TC2N: variants seen among roughly 807,000 people sequenced by gnomAD.
TC2N encodes the protein tandem C2 domains nuclear protein.
In TC2N, 51 loss-of-function variants were observed where a neutral mutation model predicts 61.9. The ratio of observed to expected loss-of-function variants is 0.82; its 90% CI spans 0.66 to 1.04. TC2N has a LOEUF of 1.04. TC2N is among the 50% of genes least tolerant of loss of function. The probability of loss-of-function intolerance (pLI) is 0.00; values close to 1 mark genes in which losing one functional copy is unlikely to be tolerated. For synonymous variants in TC2N, 204 were observed against 192.6 expected, an observed-to-expected ratio of 1.06 and a Z score of -0.49; for missense variants, 556 against 566.7, an observed-to-expected ratio of 0.98 and a Z score of 0.19.
intron 1 of TC2N, among the ~76,000 whole-genome samples, chr14:91,851,755 T>C (rs890263234): frequency 5.9e-5 from 9 of 152,192 alleles, no homozygotes; most frequent in African/African-American, 1.9e-4. Context: ...ATTCAGCATA[T>C]GGGCAAACAG....
chr14:91,796,239 T>C (rs560825936), intron 8 of TC2N, among the ~76,000 whole-genome samples: 5 of 152,116 alleles, frequency 3.3e-5, no homozygotes, highest in African/African-American at 1.2e-4. Context: ...AAGATCCCAA[T>C]ATATATATAC....
chr14:91,814,944 TATACAATAAATAC>T (rs955713730), intron 1 of TC2N, among the ~76,000 whole-genome samples: 127 of 151,638 alleles, frequency 8.4e-4, no homozygotes, highest in Admixed American at 5.4e-3. Flanking sequence ...CATCACATTG[TATACAATAAATAC>T]ATACAATTTG....
At position 91,802,236 on chromosome 14, in the gene TC2N, C is replaced by T; in HGVS notation, c.469+18G>A. ...TAAAGAGAAACACAGAGAGGAAAAG[C>T]ACAAAAGATCTTCATACCCGATCCA... On this transcript the variant is annotated intron_variant, in intron 4 of 11. Coordinates refer to ENST00000435962, the MANE Select transcript of TC2N (RefSeq NM_001128596.3). The T allele has an allele frequency of 6.7e-7, 1 of 1,501,720 alleles. No homozygotes were observed. Among genetic ancestry groups the T allele is most frequent in the South Asian group, 1.4e-5 (1 of 72,626 alleles). The allele number at this position is 1,501,720 out of a possible 1,614,324, so 93.0% of individuals were successfully genotyped here. A position where few individuals can be genotyped will look rare whatever the true frequency, so the allele number is the denominator to read the frequency against.
intron 1 of TC2N, among the ~76,000 whole-genome samples, chr14:91,848,884 G>C (rs1888320697): frequency 6.6e-6 from 1 of 152,082 alleles, no homozygotes; most frequent in Admixed American, 6.5e-5. Flanking sequence ...TCACTATTTT[G>C]CTTTCACCGC....
At chr14:91,820,718 T>G (rs534379990) in intron 1 of TC2N, among the ~76,000 whole-genome samples, 2 of 149,998 alleles carry the variant, frequency 1.3e-5, no homozygotes, top group East Asian at 3.9e-4. Context: ...AAAAAAAATC[T>G]AAGAAATTCA....
chr14:91,850,930 TG>T (rs938664305), intron 1 of TC2N, among the ~76,000 whole-genome samples: 5 of 151,934 alleles, frequency 3.3e-5, no homozygotes, highest in Admixed American at 3.3e-4. Flanking sequence ...GACTCCATCT[TG>T]GAAAAAAAAG....
chr14:91,829,443 G>A (rs1887650595), intron 1 of TC2N, among the ~76,000 whole-genome samples: 1 of 151,948 alleles, frequency 6.6e-6, no homozygotes, highest in Non-Finnish European at 1.5e-5. Context: ...TCTCTTTGTG[G>A]AGTACATCTA....
chr14:91,790,132 T>C (rs1885574361), intron 9 of TC2N, among the ~76,000 whole-genome samples: 2 of 152,338 alleles, frequency 1.3e-5, no homozygotes, highest in African/African-American at 4.8e-5. Context: ...TTAGATCACG[T>C]AGCATTGAGG....
chr14:91,834,472 TTC>T (rs910320034), intron 1 of TC2N, among the ~76,000 whole-genome samples: 34 of 152,208 alleles, frequency 2.2e-4, no homozygotes, highest in African/African-American at 7.2e-4. Flanking sequence ...TTCTTTTCTT[TTC>T]TTTTTTTAAT....
At chr14:91,817,836 T>C (rs1887072746) in intron 1 of TC2N, among the ~76,000 whole-genome samples, 1 of 152,012 alleles carries the variant, frequency 6.6e-6, no homozygotes, top group Non-Finnish European at 1.5e-5. Flanking sequence ...TTTATATGAA[T>C]GAAATGTGAA....
intron 3 of TC2N, 105 bp from the exon 4 acceptor site, chr14:91,802,526 T>C: frequency 1.0e-6 from 1 of 958,114 alleles, no homozygotes; most frequent in Middle Eastern, 3.0e-4. Flanking sequence ...TCTCAAGTAA[T>C]ACTAAATCAC....
rs4514607 is a variant in TC2N, at chr14:91,795,447, G to A, written c.855+2338C>T. On this transcript the variant is annotated intron_variant, in intron 8 of 11. Transcript: ENST00000435962. ...CACTGTTGTCTTATTTTAAGAAATT[G>A]CCACAGCCACTTCAACCTTCACTAA... Among the ~76,000 whole-genome samples the A allele has an allele frequency of 4.3e-3, 658 of 152,172 alleles. 7 individuals are homozygous for A. The highest frequency in any genetic ancestry group is 0.015 in the African/African-American group (624 of 41,526).
intron 5 of TC2N, among the ~76,000 whole-genome samples, chr14:91,799,691 A>G (rs1470961948): frequency 6.6e-6 from 1 of 152,128 alleles, no homozygotes; most frequent in Non-Finnish European, 1.5e-5. Flanking sequence ...ACATATATTC[A>G]CATGGAAACA....
intron 3 of TC2N, among the ~76,000 whole-genome samples, chr14:91,803,378 TATACACAC>T (rs1886351621): frequency 8.0e-6 from 1 of 125,194 alleles, no homozygotes; most frequent in South Asian, 2.7e-4. Context: ...TACATACATA[TATACACAC>T]ACACACACAC....
At chr14:91,812,218 T>A (rs547502510) in intron 3 of TC2N, 94 bp downstream of exon 3, 8 of 639,042 alleles carry the variant, frequency 1.3e-5, no homozygotes, top group East Asian at 1.0e-4. Context: ...AATAAAAAAA[T>A]TTTATATGAA....
In TC2N at chr14:91,806,227, G is replaced by A. The variant is rs541588987; in HGVS notation, c.302-3806C>T. On this transcript the variant is annotated intron_variant, in intron 3 of 11. Coordinates refer to ENST00000435962, the MANE Select transcript of TC2N (RefSeq NM_001128596.3). ...TTTCTTTATAAATTACCTAAACTCAGGTATGTCTTCATCAGCAGCATGAAA... is the reference window on the plus strand; with the variant it reads ...TTTCTTTATAAATTACCTAAACTCAAGTATGTCTTCATCAGCAGCATGAAA... Among the ~76,000 whole-genome samples the A allele has an allele frequency of 3.3e-5, 5 of 152,196 alleles. No homozygotes were observed. The South Asian group carries it at 1.0e-3, about 32-fold the overall frequency.
intron 1 of TC2N, among the ~76,000 whole-genome samples, chr14:91,815,586 T>C (rs757774119): frequency 2.0e-5 from 3 of 151,702 alleles, no homozygotes; most frequent in East Asian, 1.9e-4. Context: ...TTAAACTCCA[T>C]ACGTTTTTCA....
chr14:91,788,665 C>A (rs1299777667), intron 9 of TC2N, among the ~76,000 whole-genome samples: 1 of 152,108 alleles, frequency 6.6e-6, no homozygotes, highest in Non-Finnish European at 1.5e-5. Context: ...AAACTCCAAC[C>A]TCTCCATATA....
At chr14:91,786,595 G>A (rs1595218664) in intron 10 of TC2N, among the ~76,000 whole-genome samples, 2 of 152,152 alleles carry the variant, frequency 1.3e-5, no homozygotes, top group East Asian at 1.9e-4. Context: ...ACTTTCAACT[G>A]CTGAATTTCT....
Sources: gnomAD v4.1 joint callset for allele counts (sites outside exome capture counted in the v4.1 genomes callset) on GRCh38, gnomAD v4.1.1 for gene constraint, MANE v1.5 for transcripts, NCBI Gene and HGNC (gene_info 2026-07-23, HGNC 2026-07-21) for gene names.